CSDE1: variants seen among roughly 807,000 people sequenced by gnomAD.
The protein encoded by CSDE1 is cold shock domain containing E1.
A neutral mutation model predicts 89.3 loss-of-function variants in CSDE1; 17 were observed. The observed-to-expected ratio is 0.19, with a 90% CI of 0.13 to 0.29. CSDE1 has a LOEUF of 0.29. Among genes scored for constraint, CSDE1 ranks in the 10% least tolerant of loss-of-function variants. The probability of loss-of-function intolerance (pLI) is 1.00; values close to 1 mark genes in which losing one functional copy is unlikely to be tolerated. For missense variants in CSDE1, 672 were observed against 984.2 expected (o/e 0.68, Z 4.24); for synonymous variants, 322 against 332.8 (o/e 0.97, Z 0.35).
intron 19 of CSDE1, 119 bp downstream of exon 19, chr1:114,718,494 A>T: frequency 7.4e-7 from 1 of 1,353,538 alleles, no homozygotes. Context: ...CTAACTAGTT[A>T]TAAGCAATAT....
chr1:114,733,469 T>C (rs901470293), intron 9 of CSDE1, among the ~76,000 whole-genome samples: 3 of 146,244 alleles, frequency 2.1e-5, no homozygotes, highest in Non-Finnish European at 3.0e-5. Context: ...GAGGTTGCAG[T>C]GAGCCGAGAT....
intron 16 of CSDE1, among the ~76,000 whole-genome samples, chr1:114,723,289 T>C (rs1482183933): frequency 6.6e-6 from 1 of 152,242 alleles, no homozygotes; most frequent in Non-Finnish European, 1.5e-5. Flanking sequence ...ATACAGATCA[T>C]ACAAAGTTGG....
At chr1:114,718,252 T>C (rs1254075245) in intron 19 of CSDE1, 36 bp from the exon 20 acceptor site, 2 of 1,597,596 alleles carry the variant, frequency 1.3e-6, no homozygotes. Context: ...CTGCAGTTAA[T>C]GATTTGAGCG....
rs1557989120 is a variant in CSDE1, at chr1:114,721,637, C to G, written c.1874-920G>C. Among the ~76,000 whole-genome samples, 13 of 152,202 alleles carry G rather than the reference C, an allele frequency of 8.5e-5. 1 individual carries two copies. Among genetic ancestry groups the G allele is most frequent in the Admixed American group, 8.5e-4 (13 of 15,282 alleles). ...ACAGGGTCTCGCTCTGCTACCCAGGCTGGAGTGCAGTGGCGATCAACGGCT... is the reference window on the plus strand; with the variant it reads ...ACAGGGTCTCGCTCTGCTACCCAGGGTGGAGTGCAGTGGCGATCAACGGCT... On this transcript the variant is annotated intron_variant, in intron 16 of 19. Coordinates refer to ENST00000358528, the MANE Select transcript of CSDE1 (RefSeq NM_001007553.3).
intron 16 of CSDE1, among the ~76,000 whole-genome samples, chr1:114,722,696 A>C (rs1300240064): frequency 6.6e-6 from 1 of 152,226 alleles, no homozygotes; most frequent in Non-Finnish European, 1.5e-5. Context: ...AAAAGGAAGT[A>C]AAAGCAGCAC....
At chr1:114,751,208 GAAAT>G (rs1160237396) in intron 1 of CSDE1, among the ~76,000 whole-genome samples, 3 of 152,132 alleles carry the variant, frequency 2.0e-5, no homozygotes, top group Non-Finnish European at 4.4e-5. Flanking sequence ...CTATAGAAGA[GAAAT>G]AAAATTTATT....
intron 12 of CSDE1, among the ~76,000 whole-genome samples, chr1:114,728,381 T>C (rs2101028264): frequency 6.6e-6 from 1 of 152,262 alleles, no homozygotes; most frequent in East Asian, 1.9e-4. Flanking sequence ...GCTGACAATA[T>C]ACTATACATC....
At chr1:114,724,097 G>A (rs1328247012) in intron 15 of CSDE1, 95 bp from the exon 16 acceptor site, 9 of 1,380,782 alleles carry the variant, frequency 6.5e-6, no homozygotes, top group Non-Finnish European at 8.8e-6. Flanking sequence ...AATGTTAACA[G>A]GGTAGGTTGG....
chr1:114,743,483 G>A (rs1224991846), intron 2 of CSDE1, among the ~76,000 whole-genome samples: 2 of 152,212 alleles, frequency 1.3e-5, no homozygotes, highest in African/African-American at 4.8e-5. Context: ...GATTACAGGC[G>A]TGAGCCACTG....
intron 2 of CSDE1, among the ~76,000 whole-genome samples, chr1:114,744,417 A>C (rs1041001824): frequency 6.6e-6 from 1 of 151,994 alleles, no homozygotes; most frequent in African/African-American, 2.4e-5. Flanking sequence ...CTGTCTCTAC[A>C]AAAAAATACA....
At chr1:114,725,116 T>G in intron 15 of CSDE1, 105 bp downstream of exon 15, 2 of 865,656 alleles carry the variant, frequency 2.3e-6, no homozygotes. Context: ...GAATCGCACA[T>G]GAGAATGACT....
intron 6 of CSDE1, among the ~76,000 whole-genome samples, chr1:114,736,429 A>C (rs1271248755): frequency 1.3e-5 from 2 of 152,208 alleles, no homozygotes; most frequent in African/African-American, 2.4e-5. Flanking sequence ...TGATACTTCT[A>C]ATCATAATGC....
rs533170230 is a variant in CSDE1 at position 114,720,830 on chromosome 1, T to A, written c.1874-113A>T. 1.4e-5 allele frequency: 13 copies of A among 927,718 alleles called. 1 individual carries two copies. The South Asian group carries it at 2.3e-4, about 16-fold the overall frequency. The allele number at this position is 927,718 out of a possible 1,614,324, so 57.5% of individuals were successfully genotyped here. ...TGTGTTATGTTACTTAAAATATATT[T>A]ACATTTTCAGTACTCAGAAGTTTCA... is the stretch of plus-strand genomic sequence containing the variant. On this transcript the variant is annotated intron_variant, in intron 16 of 19. Coordinates refer to ENST00000358528, the MANE Select transcript of CSDE1 (RefSeq NM_001007553.3).
chr1:114,725,349 A>T lies in CSDE1; in HGVS notation c.1641-16T>A. 1.9e-6 allele frequency: 3 copies of T among 1,586,492 alleles called. No homozygotes were observed. Among genetic ancestry groups the T allele is most frequent in the Non-Finnish European group, 2.6e-6 (3 of 1,154,992 alleles). ...AGAGAACTCACTAAGGAGAAAGGAA[A>T]TGACATTTAACTAAACATTACCATA... is the stretch of plus-strand genomic sequence containing the variant. On this transcript the variant is annotated splice_polypyrimidine_tract_variant and intron_variant, in intron 14 of 19. Transcript: ENST00000358528.
At chr1:114,724,702 G>A (rs1317625106) in intron 15 of CSDE1, among the ~76,000 whole-genome samples, 1 of 152,006 alleles carries the variant, frequency 6.6e-6, no homozygotes, top group African/African-American at 2.4e-5. Flanking sequence ...CCTACTCCAT[G>A]GTGATGTATA....
chr1:114,753,473 T>C (rs1172543799), intron 1 of CSDE1, among the ~76,000 whole-genome samples: 2 of 152,194 alleles, frequency 1.3e-5, no homozygotes, highest in Non-Finnish European at 2.9e-5. Context: ...AACTTAAAGG[T>C]ATTGGTCAGG....
intron 18 of CSDE1, 30 bp from the exon 19 acceptor site, chr1:114,718,775 C>T (rs775180873): frequency 4.3e-6 from 7 of 1,609,474 alleles, no homozygotes; most frequent in Non-Finnish European, 5.9e-6. Context: ...TGAGAAGAAA[C>T]CACACTTGGT....
chr1:114,722,956 G>T (rs188279915), intron 16 of CSDE1, among the ~76,000 whole-genome samples: 2 of 152,302 alleles, frequency 1.3e-5, no homozygotes, highest in Non-Finnish European at 2.9e-5. Flanking sequence ...CTGACTCTTA[G>T]ATGATGCAAG....
rs764914055 is a variant in CSDE1 at position 114,718,633 on chromosome 1, T to C, written c.2329A>G (p.Arg777Gly). The change falls in exon 19 of 20, where the codon AGG (arginine) becomes GGG (glycine). Residue 777 changes from arginine (R) to glycine (G), a missense_variant. By Grantham distance (125) the Arg-to-Gly change is moderately radical. Transcript: ENST00000358528. ...CATACCATTGAGTTATCTGGTCCCC[T>C]TGGCTGACGAAGAACCATTAGGCGA... ...APRLMVLRQP[R>G]GPDNSMGFGA... 6.2e-7 allele frequency: 1 copy of C among 1,614,044 alleles called. No individual in the cohort carries two copies. Among genetic ancestry groups the C allele is most frequent in the African/African-American group, 1.3e-5 (1 of 74,928 alleles).
Sources: gnomAD v4.1 joint callset for allele counts (sites outside exome capture counted in the v4.1 genomes callset) on GRCh38, gnomAD v4.1.1 for gene constraint, MANE v1.5 for transcripts, NCBI Gene and HGNC (gene_info 2026-07-23, HGNC 2026-07-21) for gene names.